The following PREX2 variants were observed in gnomAD, a reference collection of about 807,000 sequenced individuals.
PREX2 encodes phosphatidylinositol-3,4,5-trisphosphate dependent Rac exchange factor 2.
A neutral mutation model predicts 203.2 loss-of-function variants in PREX2; 107 were observed. The ratio of observed to expected loss-of-function variants is 0.53; its 90% CI spans 0.45 to 0.62. PREX2 has a LOEUF of 0.62. Among genes scored for constraint, PREX2 ranks in the 20% least tolerant of loss-of-function variants. The pLI, the probability that PREX2 is intolerant of heterozygous loss-of-function variation, is 0.00. For synonymous variants in PREX2, 672 were observed against 663.6 expected, an observed-to-expected ratio of 1.01 and a Z score of -0.19; for missense variants, 1,777 against 1,955.9, an observed-to-expected ratio of 0.91 and a Z score of 1.72.
intron 15 of PREX2, among the ~76,000 whole-genome samples, chr8:68,078,497 A>G (rs573637607): frequency 9.8e-5 from 15 of 152,300 alleles, no homozygotes; most frequent in Admixed American, 4.6e-4. Flanking sequence ...GCTTATAAAC[A>G]TATATTTGAT....
intron 25 of PREX2, among the ~76,000 whole-genome samples, chr8:68,112,783 T>C (rs1387006538): frequency 6.6e-6 from 1 of 152,114 alleles, no homozygotes; most frequent in African/African-American, 2.4e-5. Context: ...TGTAACAATA[T>C]GTCTTGCCTA....
In PREX2 at chr8:68,108,301, C is replaced by A. The variant is rs1177990692; in HGVS notation, c.2908C>A (p.His970Asn). 1.9e-6 allele frequency: 3 copies of A among 1,613,504 alleles called. No individual in the cohort carries two copies. The highest frequency in any genetic ancestry group is 3.3e-5 in the Admixed American group (2 of 59,954). ...GTTGGATAGCAGGAAGCATAATTCT[C>A]ATGATAAAGAAAACAAATCTTCGGA... is the stretch of plus-strand genomic sequence containing the variant. ...VQLDSRKHNS[H>N]DKENKSSEQG... The change falls in exon 24 of 40, where the codon CAT becomes AAT. Residue 970 changes from histidine (H) to asparagine (N), a missense_variant. His to Asn is a moderately conservative substitution (Grantham distance 68). Transcript: ENST00000288368.
intron 39 of PREX2, among the ~76,000 whole-genome samples, chr8:68,228,134 CT>C (rs1813088720): frequency 6.6e-6 from 1 of 152,184 alleles, no homozygotes. Context: ...CATACATTGG[CT>C]CTTCAGGGCA....
At position 68,038,375 on chromosome 8, in the gene PREX2, G is replaced by A. The variant is rs145909787; in HGVS notation, c.839+83G>A. The A allele has an allele frequency of 4.4e-4, 620 of 1,408,138 alleles. 2 individuals are homozygous for A. The highest frequency in any genetic ancestry group is 3.6e-3 in the Middle Eastern group (20 of 5,494). 87.2% of individuals were successfully genotyped at this position (1,408,138 alleles called of 1,614,324 possible). ...GTGCTTCCCAGAACTCATCTATCCA[G>A]CTCACAGTTTCTACCTTTCTCTCTG... On this transcript the variant is annotated intron_variant, in intron 7 of 39. Transcript: ENST00000288368.
chr8:68,043,935 G>A (rs1031462061), intron 7 of PREX2, among the ~76,000 whole-genome samples: 3 of 151,908 alleles, frequency 2.0e-5, no homozygotes, highest in Non-Finnish European at 2.9e-5. Flanking sequence ...CCTTCATGAA[G>A]GATTGCAAAG....
At chr8:68,180,860 C>T (rs1812071320) in intron 35 of PREX2, among the ~76,000 whole-genome samples, 2 of 151,976 alleles carry the variant, frequency 1.3e-5, no homozygotes, top group Non-Finnish European at 2.9e-5. Context: ...GCAGATTGGA[C>T]TTCTTCAGGA....
At chr8:67,994,143 T>C (rs745462560) in intron 1 of PREX2, among the ~76,000 whole-genome samples, 27 of 152,216 alleles carry the variant, frequency 1.8e-4, no homozygotes, top group Non-Finnish European at 3.2e-4. Flanking sequence ...GGAGATTCCA[T>C]TGGTTAAAGC....
At chr8:68,158,429 C>T (rs1284293804) in intron 35 of PREX2, among the ~76,000 whole-genome samples, 1 of 152,006 alleles carries the variant, frequency 6.6e-6, no homozygotes, top group Non-Finnish European at 1.5e-5. Flanking sequence ...AGCATAGATT[C>T]AAATTGCTCT....
At chr8:68,080,707 T>A in intron 16 of PREX2, 39 bp from the exon 17 acceptor site, 1 of 1,474,760 alleles carries the variant, frequency 6.8e-7, no homozygotes, top group Non-Finnish European at 9.3e-7. Flanking sequence ...ATTTTTTTCA[T>A]AGTTGCTTTA....
chr8:68,060,699 T>C lies in PREX2; in HGVS notation c.1259T>C (p.Leu420Ser). ...FLGSEFVSWL[L>S]EIGEIHRPEE... ...TGCAGCGAATTTGTGTCATGGCTGT[T>C]GGAAATTGGAGAGATTCACAGGCCT... Residue 420 changes from leucine (L) to serine (S), a missense_variant, in exon 11 of 40, where the codon TTG becomes TCG. Physicochemically the swap from Leu to Ser is moderately radical, Grantham distance 145 (BLOSUM62 -2). Coordinates refer to ENST00000288368, the MANE Select transcript of PREX2 (RefSeq NM_024870.4). The C allele has an allele frequency of 6.2e-7, 1 of 1,611,170 alleles. No individual in the cohort carries two copies. Among genetic ancestry groups the C allele is most frequent in the Non-Finnish European group, 8.5e-7 (1 of 1,179,250 alleles).
At chr8:68,219,951 T>C (rs1470173592) in intron 38 of PREX2, among the ~76,000 whole-genome samples, 1 of 152,204 alleles carries the variant, frequency 6.6e-6, no homozygotes, top group Non-Finnish European at 1.5e-5. Flanking sequence ...GACCAAGTGG[T>C]TAGATATTTG....
At chr8:68,214,540 A>G (rs1359150937) in intron 37 of PREX2, among the ~76,000 whole-genome samples, 1 of 152,048 alleles carries the variant, frequency 6.6e-6, no homozygotes. Context: ...CGTAAACCTG[A>G]CTCTGAGTAT....
At chr8:68,121,517 A>G (rs184796694) in intron 30 of PREX2, among the ~76,000 whole-genome samples, 250 of 152,266 alleles carry the variant, frequency 1.6e-3, no homozygotes, top group African/African-American at 5.5e-3. Context: ...GCTATTAACT[A>G]CCATAACATT....
chr8:68,118,833 G>A (rs1810710757), intron 27 of PREX2, 189 bp downstream of exon 27: 3 of 726,232 alleles, frequency 4.1e-6, no homozygotes, highest in Non-Finnish European at 7.6e-6. Flanking sequence ...ATTTTAAAGG[G>A]AGTGAGTTAA....
At chr8:67,986,463 A>G (rs1806428770) in intron 1 of PREX2, among the ~76,000 whole-genome samples, 1 of 152,128 alleles carries the variant, frequency 6.6e-6, no homozygotes, top group Non-Finnish European at 1.5e-5. Flanking sequence ...TCCTGTCTGC[A>G]GGTGGCTTGA....
intron 1 of PREX2, among the ~76,000 whole-genome samples, chr8:68,013,899 CA>C (rs1807337389): frequency 1.3e-5 from 2 of 152,010 alleles, no homozygotes; most frequent in Non-Finnish European, 2.9e-5. Flanking sequence ...CTGTATGATA[CA>C]AAATTCAGAT....
In PREX2 at chr8:68,131,831, C is replaced by T. The variant is rs1811016817; in HGVS notation, c.3767-2228C>T. 2.6e-5 allele frequency among the ~76,000 whole-genome samples: 4 copies of T among 152,210 alleles called. No homozygotes were observed. The South Asian group carries it at 8.3e-4, about 32-fold the overall frequency. ...CTTCTTTCTCTAGATTTTTGCTTTT[C>T]ACTCAATATCCATAATTTCTTTCCA... On this transcript the variant is annotated intron_variant, in intron 31 of 39. Transcript: ENST00000288368.
At chr8:68,150,946 C>T (rs1227460959) in intron 34 of PREX2, among the ~76,000 whole-genome samples, 3 of 152,146 alleles carry the variant, frequency 2.0e-5, no homozygotes, top group Non-Finnish European at 4.4e-5. Context: ...TTTGTGGCAG[C>T]ATAACTACAA....
intron 11 of PREX2, among the ~76,000 whole-genome samples, chr8:68,064,229 G>A (rs1043157865): frequency 2.0e-5 from 3 of 152,182 alleles, no homozygotes; most frequent in African/African-American, 7.2e-5. Flanking sequence ...GTGTGCTGAA[G>A]TTGGCTCATA....
Sources: allele counts gnomAD v4.1 joint callset (sites outside exome capture counted in the v4.1 genomes callset), GRCh38; gene constraint gnomAD v4.1.1; transcripts MANE v1.5; gene names NCBI Gene and HGNC (gene_info 2026-07-23, HGNC 2026-07-21).